The following LRP12 variants were observed in gnomAD, a reference collection of about 807,000 sequenced individuals.
LRP12 encodes low-density lipoprotein receptor-related protein 12.
In LRP12, 14 loss-of-function variants were observed where a neutral mutation model predicts 66.0. The ratio of observed to expected loss-of-function variants is 0.21; its 90% CI spans 0.14 to 0.33. The LOEUF (loss-of-function observed/expected upper bound fraction) is 0.33. Ranked by LOEUF, LRP12 falls within the 10% of genes least tolerant of loss-of-function variation. The pLI is 1.00. For synonymous variants in LRP12, 357 were observed against 359.1 expected, an observed-to-expected ratio of 0.99 and a Z score of 0.07; for missense variants, 889 against 1,053.4, an observed-to-expected ratio of 0.84 and a Z score of 2.16.
intron 1 of LRP12, among the ~76,000 whole-genome samples, chr8:104,555,130 C>A (rs1811785175): frequency 6.6e-6 from 1 of 152,126 alleles, no homozygotes; most frequent in Non-Finnish European, 1.5e-5. Flanking sequence ...AGCTCTAAAT[C>A]TTGAAACCAA....
At chr8:104,529,787 T>C (rs1478427823) in intron 2 of LRP12, among the ~76,000 whole-genome samples, 2 of 152,234 alleles carry the variant, frequency 1.3e-5, no homozygotes, top group South Asian at 2.1e-4. Flanking sequence ...CTCAATGATA[T>C]GGCTTCAGAT....
chr8:104,573,018 T>C (rs943151775), intron 1 of LRP12, among the ~76,000 whole-genome samples: 13 of 152,158 alleles, frequency 8.5e-5, no homozygotes, highest in African/African-American at 2.7e-4. Flanking sequence ...GAAAAAATAA[T>C]GTTAAGTTGA....
intron 1 of LRP12, among the ~76,000 whole-genome samples, chr8:104,533,330 GA>G (rs1222450906): frequency 1.3e-5 from 2 of 151,994 alleles, no homozygotes; most frequent in African/African-American, 2.4e-5. Flanking sequence ...ACAGGCAGCA[GA>G]AACAAAACAT....
intron 1 of LRP12, among the ~76,000 whole-genome samples, chr8:104,567,530 A>T (rs1422054115): frequency 1.3e-5 from 2 of 152,200 alleles, no homozygotes; most frequent in Non-Finnish European, 2.9e-5. Flanking sequence ...CCAAATCAGA[A>T]AGGAAGAAGT....
At chr8:104,560,332 C>G (rs1811884587) in intron 1 of LRP12, among the ~76,000 whole-genome samples, 1 of 151,784 alleles carries the variant, frequency 6.6e-6, no homozygotes, top group Non-Finnish European at 1.5e-5. Context: ...AGATACAGAT[C>G]CAGTCTTGAT....
chr8:104,507,701 C>T (rs1325774386), intron 3 of LRP12: 1 of 152,128 alleles, frequency 6.6e-6, no homozygotes, highest in African/African-American at 2.4e-5. Context: ...TGCATTCTAC[C>T]ACTCAATCAG....
At chr8:104,586,936 A>C (rs560562459) in intron 1 of LRP12, among the ~76,000 whole-genome samples, 1 of 152,222 alleles carries the variant, frequency 6.6e-6, no homozygotes, top group South Asian at 2.1e-4. Flanking sequence ...TGTTGGAAAA[A>C]GGAGTTTCAG....
rs763436757 is a variant in LRP12, at chr8:104,588,922, G to C, written c.-25C>G. ...TAACCACAGCAGATGGAGAGAGAGAGGAGGAGACGGAGGAGGAGGGAGGAG... is the reference window on the plus strand; with the variant it reads ...TAACCACAGCAGATGGAGAGAGAGACGAGGAGACGGAGGAGGAGGGAGGAG... On this transcript the variant is annotated 5_prime_UTR_variant, in exon 1 of 7. Transcript: ENST00000276654. 5.8e-6 allele frequency: 9 copies of C among 1,544,258 alleles called. No individual in the cohort carries two copies. The highest frequency in any genetic ancestry group is 7.9e-6 in the Non-Finnish European group (9 of 1,132,448).
chr8:104,497,264 A>C lies in LRP12; in HGVS notation c.1288T>G (p.Ser430Ala), dbSNP rs781427013. The C allele has an allele frequency of 6.2e-7, 1 of 1,614,088 alleles. No individual in the cohort carries two copies. The change falls in exon 5 of 7, where the codon TCT (serine) becomes GCT (alanine). Residue 430 changes from serine (S) to alanine (A), a missense_variant. Coordinates refer to ENST00000276654, the MANE Select transcript of LRP12 (RefSeq NM_013437.5). The surrounding 1 kb of genome is among the most constrained non-coding windows in gnomAD (Gnocchi z 4.3). ...CSRNGVCYPR[S>A]DRCNYQNHCP... ...TGATTCTGGTAGTTGCAGCGATCAG[A>C]ACGAGGATAACAGACACCATTTCGG...
At chr8:104,552,694 T>C (rs147765319) in intron 1 of LRP12, among the ~76,000 whole-genome samples, 7 of 152,292 alleles carry the variant, frequency 4.6e-5, no homozygotes, top group African/African-American at 1.4e-4. Flanking sequence ...TTTCACATAA[T>C]TGATAAAAGT....
At chr8:104,571,556 CCTTGTGAAGAAGGTGCCTTA>C (rs1333322083) in intron 1 of LRP12, among the ~76,000 whole-genome samples, 1 of 152,134 alleles carries the variant, frequency 6.6e-6, no homozygotes, top group Non-Finnish European at 1.5e-5. Flanking sequence ...CTTCCTGTCA[CCTTGTGAAGAAGGTGCCTTA>C]CTTCCCTTTC....
chr8:104,529,352 G>T (rs1811292125), intron 2 of LRP12, among the ~76,000 whole-genome samples: 1 of 152,106 alleles, frequency 6.6e-6, no homozygotes, highest in Non-Finnish European at 1.5e-5. Context: ...AATTTATGTT[G>T]TTTAAGTTAC....
At chr8:104,493,946 C>T (rs181452232) in intron 6 of LRP12, among the ~76,000 whole-genome samples, 1 of 152,288 alleles carries the variant, frequency 6.6e-6, no homozygotes, top group Non-Finnish European at 1.5e-5. Context: ...ACTGTAATCG[C>T]AAGTGAGCTG....
intron 1 of LRP12, among the ~76,000 whole-genome samples, chr8:104,565,057 G>A (rs1284773325): frequency 6.6e-6 from 1 of 151,926 alleles, no homozygotes; most frequent in African/African-American, 2.4e-5. Flanking sequence ...ACAAAAAAAA[G>A]CTAGGTACTT....
chr8:104,520,303 T>C (rs918429606), intron 2 of LRP12, among the ~76,000 whole-genome samples: 12 of 152,076 alleles, frequency 7.9e-5, no homozygotes, highest in African/African-American at 2.9e-4. Context: ...ATTACTAACA[T>C]GGTACCTACA....
chr8:104,491,035 C>T lies in LRP12; in HGVS notation c.2218G>A (p.Val740Ile), dbSNP rs749610180. 6.2e-7 allele frequency: 1 copy of T among 1,614,084 alleles called. No homozygotes were observed. The highest frequency in any genetic ancestry group is 8.5e-7 in the Non-Finnish European group (1 of 1,179,996). ...CTTGATCGTCCTAATGTAAAACGTACCCAGCGTAGCCCCTGAGTCATACGA... is the reference window on the plus strand; with the variant it reads ...CTTGATCGTCCTAATGTAAAACGTATCCAGCGTAGCCCCTGAGTCATACGA... ...LSRMTQGLRW[V>I]RFTLGRSSSL... The change falls in exon 7 of 7, where the codon GTA (valine) becomes ATA (isoleucine). Residue 740 changes from valine to isoleucine, a missense_variant. Val to Ile is a conservative substitution (Grantham distance 29). Transcript: ENST00000276654.
rs150821706 is a variant in LRP12, at chr8:104,493,652, C to A, written c.1713+1425G>T. On this transcript the variant is annotated intron_variant, in intron 6 of 6. Coordinates refer to ENST00000276654, the MANE Select transcript of LRP12 (RefSeq NM_013437.5). ...TGTAGGGTGAGGGCTTTGGGTCAGT[C>A]AATCTCTGGATAAGGCTAGAAACTG... Among the ~76,000 whole-genome samples, 411 of 152,326 alleles carry A rather than the reference C, an allele frequency of 2.7e-3. 3 individuals carry two copies. The highest frequency in any genetic ancestry group is 8.3e-3 in the African/African-American group (345 of 41,574).
At chr8:104,568,354 T>A (rs1049227756) in intron 1 of LRP12, among the ~76,000 whole-genome samples, 78 of 152,144 alleles carry the variant, frequency 5.1e-4, no homozygotes, top group African/African-American at 1.8e-3. Flanking sequence ...TAAACCCCTA[T>A]GACCTTGGGT....
At chr8:104,560,543 T>C (rs1170904708) in intron 1 of LRP12, among the ~76,000 whole-genome samples, 1 of 152,188 alleles carries the variant, frequency 6.6e-6, no homozygotes, top group Non-Finnish European at 1.5e-5. Flanking sequence ...ATAAAGTATA[T>C]GAGCCTTGAC....
Sources: gnomAD v4.1 joint callset for allele counts (sites outside exome capture counted in the v4.1 genomes callset) on GRCh38, gnomAD v4.1.1 for gene constraint, Gnocchi (gnomAD v3.1) non-coding constraint, MANE v1.5 for transcripts, NCBI Gene and HGNC (gene_info 2026-07-23, HGNC 2026-07-21) for gene names.